The following TMEM232 variants were observed in gnomAD, a reference collection of about 807,000 sequenced individuals.
TMEM232 encodes transmembrane protein 232.
TMEM232 carries 80 observed loss-of-function variants against 78.8 expected under a neutral mutation model. The observed-to-expected ratio is 1.01, with a 90% CI of 0.85 to 1.22. The LOEUF is 1.22. TMEM232 is among the 50% of genes most tolerant of loss of function. The pLI is 0.00. For missense variants in TMEM232, 881 were observed against 742.2 expected (o/e 1.19, Z -2.17); for synonymous variants, 297 against 254.3 (o/e 1.17, Z -1.60).
In TMEM232 at chr5:110,630,849, C is replaced by T. The variant is rs181661200; in HGVS notation, c.502-2969G>A. 3.3e-5 allele frequency among the ~76,000 whole-genome samples: 5 copies of T among 152,206 alleles called. No homozygotes were observed. In the East Asian group the frequency reaches 9.7e-4, roughly 30 times the overall value. The stretch of plus-strand genomic sequence containing the variant: ...GAACTTCAGTGGTCTATGTCCCTAC[C>T]ATGGACTGCGGCAATCTGAACCATG... On this transcript the variant is annotated intron_variant, in intron 5 of 13. Transcript: ENST00000455884.
intron 2 of TMEM232, among the ~76,000 whole-genome samples, chr5:110,658,799 C>T (rs1474442917): frequency 1.3e-5 from 2 of 152,096 alleles, no homozygotes; most frequent in African/African-American, 4.8e-5. Context: ...GGACAAATTG[C>T]CTGCATTCTT....
intron 11 of TMEM232, among the ~76,000 whole-genome samples, chr5:110,531,669 C>G (rs1187475923): frequency 6.6e-6 from 1 of 152,066 alleles, no homozygotes; most frequent in Non-Finnish European, 1.5e-5. Context: ...GCAATTTACT[C>G]TTAAAAAGGT....
At chr5:110,629,527 T>C (rs995459362) in intron 5 of TMEM232, among the ~76,000 whole-genome samples, 12 of 152,270 alleles carry the variant, frequency 7.9e-5, no homozygotes, top group African/African-American at 2.9e-4. Flanking sequence ...CTCTTTGTTG[T>C]TTGACAACTC....
At chr5:110,576,650 T>A (rs1040601827) in intron 10 of TMEM232, among the ~76,000 whole-genome samples, 9 of 152,076 alleles carry the variant, frequency 5.9e-5, no homozygotes, top group African/African-American at 1.9e-4. Context: ...CGGGGCTACA[T>A]TAGCCAAAAC....
chr5:110,402,278 T>C (rs1348480121), intron 2 of TMEM232, among the ~76,000 whole-genome samples: 1 of 152,090 alleles, frequency 6.6e-6, no homozygotes, highest in Non-Finnish European at 1.5e-5. Flanking sequence ...AAGATTGCTG[T>C]TGTTGCTTAA....
intron 4 of TMEM232, among the ~76,000 whole-genome samples, chr5:110,638,662 T>C (rs1333819397): frequency 6.6e-6 from 1 of 152,134 alleles, no homozygotes; most frequent in Non-Finnish European, 1.5e-5. Context: ...TCTCTCAAGA[T>C]ACTAGCTTTG....
intron 2 of TMEM232, among the ~76,000 whole-genome samples, chr5:110,733,339 C>A (rs11241075): frequency 0.092 from 14,020 of 152,052 alleles, 750 homozygotes; most frequent in South Asian, 0.2. Flanking sequence ...AATCCCATTA[C>A]TAGGTATATA....
At chr5:110,468,144 A>AAAGAT (rs1445426125) in intron 12 of TMEM232, among the ~76,000 whole-genome samples, 1 of 152,170 alleles carries the variant, frequency 6.6e-6, no homozygotes, top group Non-Finnish European at 1.5e-5. Flanking sequence ...AAAATAAAAA[A>AAAGAT]AAGATATATT....
rs539132683 is a variant in TMEM232, at chr5:110,571,668, T to C, written c.1277-3043A>G. Reference sequence around the variant, plus strand: ...CCGAGACCCTATCTCTATAGTTGTTTTTTTTGTTTGTTTGTTTTGTTTTTT... The same window carrying C: ...CCGAGACCCTATCTCTATAGTTGTTCTTTTTGTTTGTTTGTTTTGTTTTTT... On this transcript the variant is annotated intron_variant, in intron 10 of 13. Coordinates refer to ENST00000455884, the MANE Select transcript of TMEM232 (RefSeq NM_001039763.4). 9.8e-4 allele frequency among the ~76,000 whole-genome samples: 148 copies of C among 151,366 alleles called. 1 individual carries two copies. Among genetic ancestry groups the C allele is most frequent in the African/African-American group, 3.5e-3 (146 of 41,312 alleles).
intron 7 of TMEM232, among the ~76,000 whole-genome samples, chr5:110,619,919 T>C (rs1783419061): frequency 6.6e-6 from 1 of 151,964 alleles, no homozygotes; most frequent in Admixed American, 6.6e-5. Flanking sequence ...AGCATAATAT[T>C]AAAAAAATAA....
At position 110,556,380 on chromosome 5, in the gene TMEM232, T is replaced by C. The variant is rs141926265; in HGVS notation, c.1455+12067A>G. Among the ~76,000 whole-genome samples, 1,392 of 149,384 alleles carry C rather than the reference T, an allele frequency of 9.3e-3. 18 individuals are homozygous for C. Among genetic ancestry groups the C allele is most frequent in the African/African-American group, 0.033 (1,329 of 40,070 alleles). On this transcript the variant is annotated intron_variant, in intron 11 of 13. Transcript: ENST00000455884. Reference sequence around the variant, plus strand: ...CTTCCCCTTCCTTCCTTCCTTCCTTTCTTTCTTTCCTTCTTTCTTTCTTTC... The same window carrying C: ...CTTCCCCTTCCTTCCTTCCTTCCTTCCTTTCTTTCCTTCTTTCTTTCTTTC...
chr5:110,476,812 T>A (rs970698076), intron 12 of TMEM232, among the ~76,000 whole-genome samples: 1 of 152,062 alleles, frequency 6.6e-6, no homozygotes, highest in Non-Finnish European at 1.5e-5. Flanking sequence ...TTTGCATTTT[T>A]GTGAAAAATA....
chr5:110,477,833 G>T (rs1409968333), intron 12 of TMEM232, among the ~76,000 whole-genome samples: 1 of 151,830 alleles, frequency 6.6e-6, no homozygotes, highest in Non-Finnish European at 1.5e-5. Flanking sequence ...ATACTATCAT[G>T]GGATTAATGT....
chr5:110,592,815 G>C (rs1477667271), intron 10 of TMEM232, among the ~76,000 whole-genome samples: 2 of 152,172 alleles, frequency 1.3e-5, no homozygotes, highest in African/African-American at 4.8e-5. Context: ...TTGAAATGCT[G>C]ATAGCATGTG....
chr5:110,652,083 A>G (rs1007046925), intron 2 of TMEM232, among the ~76,000 whole-genome samples: 2 of 152,208 alleles, frequency 1.3e-5, no homozygotes, highest in African/African-American at 4.8e-5. Context: ...ACTCAAGGTT[A>G]TATCTTGAAA....
chr5:110,525,261 A>G (rs139462561), intron 12 of TMEM232, among the ~76,000 whole-genome samples: 4 of 152,076 alleles, frequency 2.6e-5, no homozygotes, highest in African/African-American at 7.2e-5. Context: ...GGGCTAAAGT[A>G]TAAAAATCAG....
chr5:110,566,768 A>G (rs1020880345), intron 11 of TMEM232, among the ~76,000 whole-genome samples: 1 of 151,916 alleles, frequency 6.6e-6, no homozygotes, highest in Non-Finnish European at 1.5e-5. Flanking sequence ...CCTGTTACTC[A>G]GTTCCAAAGT....
At chr5:110,526,111 A>G (rs79063063) in intron 12 of TMEM232, among the ~76,000 whole-genome samples, 5,980 of 150,640 alleles carry the variant, frequency 0.04, 196 homozygotes, top group African/African-American at 0.085. Flanking sequence ...AAAAGATAAT[A>G]TTGGTCACAT....
chr5:110,680,589 C>A (rs1045648552), intron 1 of TMEM232, among the ~76,000 whole-genome samples: 3 of 151,948 alleles, frequency 2.0e-5, no homozygotes, highest in Non-Finnish European at 4.4e-5. Flanking sequence ...CTAACATAAA[C>A]ATTTTTCTAT....
Sources: allele counts gnomAD v4.1 joint callset (sites outside exome capture counted in the v4.1 genomes callset), GRCh38; gene constraint gnomAD v4.1.1; transcripts MANE v1.5; gene names NCBI Gene and HGNC (gene_info 2026-07-23, HGNC 2026-07-21).